CCDC149: variants seen among roughly 807,000 people sequenced by gnomAD.
CCDC149 encodes coiled-coil domain containing 149.
In CCDC149, 45 loss-of-function variants were observed where a neutral mutation model predicts 59.9. The ratio of observed to expected loss-of-function variants is 0.75; its 90% CI spans 0.59 to 0.96. The LOEUF (loss-of-function observed/expected upper bound fraction) is 0.96. CCDC149 is among the 40% of genes least tolerant of loss of function. The pLI is 0.00. For missense variants in CCDC149, 584 were observed against 664.7 expected (o/e 0.88, Z 1.33); for synonymous variants, 245 against 260.6 (o/e 0.94, Z 0.58).
intron 1 of CCDC149, among the ~76,000 whole-genome samples, chr4:24,890,811 C>G (rs1365762526): frequency 6.6e-6 from 1 of 152,262 alleles, no homozygotes; most frequent in Non-Finnish European, 1.5e-5. Context: ...AGGCAGTCAT[C>G]TGCAGACTTG....
At chr4:24,871,815 C>A (rs148261491) in intron 3 of CCDC149, among the ~76,000 whole-genome samples, 3,046 of 152,272 alleles carry the variant, frequency 0.02, 89 homozygotes, top group South Asian at 0.071. Context: ...AAGAATGCAG[C>A]TTAACAGACT....
chr4:24,962,696 A>G (rs1469045086), intron 1 of CCDC149, among the ~76,000 whole-genome samples: 2 of 151,930 alleles, frequency 1.3e-5, no homozygotes, highest in Non-Finnish European at 2.9e-5. Context: ...GAACACATGG[A>G]CACAGGAAGG....
At chr4:24,886,970 T>G (rs1425563403) in intron 1 of CCDC149, among the ~76,000 whole-genome samples, 1 of 152,054 alleles carries the variant, frequency 6.6e-6, no homozygotes, top group Non-Finnish European at 1.5e-5. Flanking sequence ...CAAAAATATA[T>G]TTCTCTGCAA....
chr4:24,857,004 G>A (rs1438712580), intron 3 of CCDC149, among the ~76,000 whole-genome samples: 1 of 152,212 alleles, frequency 6.6e-6, no homozygotes, highest in Non-Finnish European at 1.5e-5. Flanking sequence ...TGGAGAAGAT[G>A]CAGCAAAATT....
In CCDC149 at chr4:24,837,248, G is replaced by T. The variant is rs369087231; in HGVS notation, c.642C>A (p.Asp214Glu). 1.2e-6 allele frequency: 2 copies of T among 1,614,178 alleles called. No homozygotes were observed. The highest frequency in any genetic ancestry group is 3.3e-5 in the Admixed American group (2 of 60,026). ...CTTGCCTGTTCTCCATACACAGGGCGTCCACGTCAATGATGCGGTTCTCGT... is the reference window on the plus strand; with the variant it reads ...CTTGCCTGTTCTCCATACACAGGGCTTCCACGTCAATGATGCGGTTCTCGT... The change falls in exon 6 of 13, where the codon GAC (aspartate) becomes GAA (glutamate). Residue 214 changes from aspartate to glutamate, a missense_variant. By Grantham distance (45) the Asp-to-Glu change is conservative. Coordinates refer to ENST00000635206, the MANE Select transcript of CCDC149 (RefSeq NM_001330643.2). The surrounding 1 kb of genome is among the most constrained non-coding windows in gnomAD (Gnocchi z 4.3).
rs1714408615 is a variant in CCDC149 at position 24,808,915 on chromosome 4, G to A, written c.1193-96C>T. 2.5e-6 allele frequency: 3 copies of A among 1,203,760 alleles called. No homozygotes were observed. In the Admixed American group the frequency reaches 8.4e-5, roughly 34 times the overall value. The allele number at this position is 1,203,760 out of a possible 1,614,324, so 74.6% of individuals were successfully genotyped here. A position where few individuals can be genotyped will look rare whatever the true frequency, so the allele number is the denominator to read the frequency against. ...CCTCCTGCCCAGCCTACCAGCACAGGGCCTCTGAAAAAGGAGCAAGACTTT... is the reference window on the plus strand; with the variant it reads ...CCTCCTGCCCAGCCTACCAGCACAGAGCCTCTGAAAAAGGAGCAAGACTTT... On this transcript the variant is annotated intron_variant, in intron 12 of 12. Coordinates refer to ENST00000635206, the MANE Select transcript of CCDC149 (RefSeq NM_001330643.2).
At chr4:24,888,140 G>A (rs1720306985) in intron 1 of CCDC149, among the ~76,000 whole-genome samples, 1 of 152,112 alleles carries the variant, frequency 6.6e-6, no homozygotes, top group African/African-American at 2.4e-5. Context: ...GTCTGACTAA[G>A]GCCTCTTTGC....
intron 4 of CCDC149, among the ~76,000 whole-genome samples, chr4:24,842,394 G>A (rs1199725963): frequency 6.6e-6 from 1 of 152,146 alleles, no homozygotes; most frequent in Non-Finnish European, 1.5e-5. Flanking sequence ...ATGTAGTGCA[G>A]GCAAATGATG....
chr4:24,906,376 T>TTTTTATTTTATTTTATTTTA (rs66808189), intron 1 of CCDC149, among the ~76,000 whole-genome samples: 3 of 112,378 alleles, frequency 2.7e-5, no homozygotes, highest in Non-Finnish European at 3.8e-5. Flanking sequence ...TTTTATTTTA[T>TTTTTATTTTATTTTATTTTA]TTTATTTTAT....
Position 24,880,475 on chromosome 4 carries a change from G to C in CCDC149, c.64-3778C>G, listed in dbSNP as rs879633251. ...CAACAATAGAAAACTCTAGGAAGTG[G>C]GGAGAAGGGAGTGTTGGAGAATGAG... is the stretch of plus-strand genomic sequence containing the variant. On this transcript the variant is annotated intron_variant, in intron 1 of 12. Coordinates refer to ENST00000635206, the MANE Select transcript of CCDC149 (RefSeq NM_001330643.2). Among the ~76,000 whole-genome samples the C allele has an allele frequency of 2.0e-5, 3 of 152,192 alleles. 1 individual carries two copies. The highest frequency in any genetic ancestry group is 2.0e-4 in the Admixed American group (3 of 15,288).
chr4:24,901,338 G>A (rs529413783), intron 1 of CCDC149, among the ~76,000 whole-genome samples: 233 of 151,510 alleles, frequency 1.5e-3, no homozygotes, highest in Middle Eastern at 0.01. Flanking sequence ...TTTTACTGGT[G>A]GAAAACCAGG....
At chr4:24,805,057 C>T (rs982803993), downstream of CCDC149, among the ~76,000 whole-genome samples, 16 of 152,108 alleles carry the variant, frequency 1.1e-4, no homozygotes, top group African/African-American at 3.9e-4. Context: ...ATGAGAAATG[C>T]CTGGTTTACA....
At chr4:24,914,603 A>T (rs1299892081), upstream of CCDC149, among the ~76,000 whole-genome samples, 1 of 115,666 alleles carries the variant, frequency 8.6e-6, no homozygotes, top group African/African-American at 3.3e-5. Context: ...CGCACAGCTG[A>T]TGACAAGCAC....
At chr4:24,835,149 G>C (rs1716424843) in intron 7 of CCDC149, 117 bp from the exon 8 acceptor site, 1 of 624,346 alleles carries the variant, frequency 1.6e-6, no homozygotes, top group South Asian at 2.3e-5. Context: ...CCAAGTGCTA[G>C]CCTAATATTT....
downstream of CCDC149, among the ~76,000 whole-genome samples, chr4:24,805,681 T>C (rs915877722): frequency 1.3e-5 from 2 of 152,238 alleles, no homozygotes; most frequent in African/African-American, 4.8e-5. Flanking sequence ...GACATCATCA[T>C]GTGACAAGGT....
intron 7 of CCDC149, among the ~76,000 whole-genome samples, chr4:24,835,609 T>A (rs1045162024): frequency 3.3e-5 from 5 of 152,244 alleles, no homozygotes; most frequent in Non-Finnish European, 7.3e-5. Flanking sequence ...CACACATTTT[T>A]AAAAATTATG....
intron 10 of CCDC149, among the ~76,000 whole-genome samples, chr4:24,821,289 G>A (rs1029982889): frequency 5.9e-5 from 9 of 151,886 alleles, no homozygotes; most frequent in Non-Finnish European, 8.8e-5. Context: ...AAAAACCCCC[G>A]TTCATGCATG....
intron 1 of CCDC149, among the ~76,000 whole-genome samples, chr4:24,889,233 T>C (rs1720385332): frequency 6.6e-6 from 1 of 152,222 alleles, no homozygotes; most frequent in Non-Finnish European, 1.5e-5. Flanking sequence ...CTCCACTAAC[T>C]ATGCCCCTGT....
intron 1 of CCDC149, among the ~76,000 whole-genome samples, chr4:24,960,348 A>T (rs1723604171): frequency 6.6e-6 from 1 of 152,176 alleles, no homozygotes; most frequent in African/African-American, 2.4e-5. Flanking sequence ...GGTTATAGAA[A>T]ATATAATTCT....
Sources: allele counts gnomAD v4.1 joint callset (sites outside exome capture counted in the v4.1 genomes callset), GRCh38; gene constraint gnomAD v4.1.1; non-coding constraint Gnocchi (gnomAD v3.1); transcripts MANE v1.5; gene names NCBI Gene and HGNC (gene_info 2026-07-23, HGNC 2026-07-21).